HS1BP3: variants seen among roughly 807,000 people sequenced by gnomAD.
The protein encoded by HS1BP3 is HCLS1 binding protein 3.
Under a neutral mutation model 33.5 loss-of-function variants are expected in HS1BP3, and 32 were observed. That is an observed-to-expected ratio of 0.95 (90% CI 0.72 to 1.28). The LOEUF (loss-of-function observed/expected upper bound fraction) is 1.28, where lower values mean the gene tolerates loss of function less well. Among genes scored for constraint, HS1BP3 ranks in the 50% most tolerant of loss-of-function variants. The probability of loss-of-function intolerance (pLI) is 0.00; values close to 1 mark genes in which losing one functional copy is unlikely to be tolerated. For missense variants in HS1BP3, 486 were observed against 502.3 expected (o/e 0.97, Z 0.31); for synonymous variants, 187 against 209.2 (o/e 0.89, Z 0.92).
chr2:20,640,903 T>C (rs770073586), intron 3 of HS1BP3, 70 bp downstream of exon 3: 14 of 1,488,948 alleles, frequency 9.4e-6, no homozygotes, highest in Admixed American at 8.4e-5. Flanking sequence ...ATGCTCCCAC[T>C]GGGGCACGGC....
rs1694675421 is a variant in HS1BP3, at chr2:20,623,698, G to C, written c.920+198C>G. 3 of 539,090 alleles carry C rather than the reference G, an allele frequency of 5.6e-6. No homozygotes were observed. The Admixed American group carries it at 1.1e-4, about 20-fold the overall frequency. The allele number at this position is 539,090 out of a possible 1,614,324, so 33.4% of individuals were successfully genotyped here. A position where few individuals can be genotyped will look rare whatever the true frequency, so the allele number is the denominator to read the frequency against. ...CTCTCTTTCTGGAACTAGCTGAGCAGCCCTGGGCTGCGGATCCTCCCCCTC... is the reference window on the plus strand; with the variant it reads ...CTCTCTTTCTGGAACTAGCTGAGCACCCCTGGGCTGCGGATCCTCCCCCTC... On this transcript the variant is annotated intron_variant, in intron 6 of 6. Transcript: ENST00000304031.
chr2:20,568,913 C>T (rs1693199717), intron 5 of HS1BP3, among the ~76,000 whole-genome samples: 1 of 152,192 alleles, frequency 6.6e-6, no homozygotes, highest in Non-Finnish European at 1.5e-5. Flanking sequence ...AGGAGATTGC[C>T]CTCGAGGCCG....
At chr2:20,584,606 G>A (rs548352229) in intron 5 of HS1BP3, among the ~76,000 whole-genome samples, 1 of 152,202 alleles carries the variant, frequency 6.6e-6, no homozygotes, top group African/African-American at 2.4e-5. Flanking sequence ...GACTCTCCTT[G>A]AAAGATGCAG....
At chr2:20,587,723 G>T (rs561721247), downstream of HS1BP3, among the ~76,000 whole-genome samples, 1 of 151,932 alleles carries the variant, frequency 6.6e-6, no homozygotes, top group Non-Finnish European at 1.5e-5. Flanking sequence ...TCCAGCCTGG[G>T]CGACAGAGCG....
chr2:20,564,898 C>T (rs1440291603), intron 5 of HS1BP3, among the ~76,000 whole-genome samples: 1 of 152,328 alleles, frequency 6.6e-6, no homozygotes, highest in African/African-American at 2.4e-5. Context: ...AGAACTTCCA[C>T]CACCAGGACT....
chr2:20,624,623 A>G lies in HS1BP3; in HGVS notation c.784+109T>C, dbSNP rs1414564859. 11 of 1,024,728 alleles carry G rather than the reference A, an allele frequency of 1.1e-5. No individual in the cohort carries two copies. The Admixed American group carries it at 1.9e-4, about 17-fold the overall frequency. The allele number at this position is 1,024,728 out of a possible 1,614,324, so 63.5% of individuals were successfully genotyped here. A position where few individuals can be genotyped will look rare whatever the true frequency, so the allele number is the denominator to read the frequency against. On this transcript the variant is annotated intron_variant, in intron 5 of 6. Transcript: ENST00000304031. The stretch of plus-strand genomic sequence containing the variant: ...TGAGTCTATATCACATCTAAACAGG[A>G]CAGGGGAGATATATGGGTCCTATTC...
At position 20,618,657 on chromosome 2, in the gene HS1BP3, C is replaced by A. The variant is rs1384256269; in HGVS notation, c.*330G>T. The A allele has an allele frequency of 5.3e-6, 6 of 1,135,898 alleles. No individual in the cohort carries two copies. In the Admixed American group the frequency reaches 2.2e-4, roughly 42 times the overall value. 70.4% of individuals were successfully genotyped at this position (1,135,898 alleles called of 1,614,324 possible). On this transcript the variant is annotated 3_prime_UTR_variant, in exon 7 of 7. Transcript: ENST00000304031. ...CCCTGCCCCATGTGACACCTCGCTA[C>A]GGCCCCACATGTCTTGCTTCATCCT...
intron 5 of HS1BP3, among the ~76,000 whole-genome samples, chr2:20,582,888 C>T (rs1693568565): frequency 6.6e-6 from 1 of 152,164 alleles, no homozygotes; most frequent in South Asian, 2.1e-4. Flanking sequence ...TTGGCAGGGT[C>T]AGAGCCTCCA....
chr2:20,556,116 T>G (rs1042218860), downstream of HS1BP3, among the ~76,000 whole-genome samples: 1 of 152,262 alleles, frequency 6.6e-6, no homozygotes, highest in African/African-American at 2.4e-5. Context: ...TCTATTTCTA[T>G]TCTAGTACCA....
At position 20,624,891 on chromosome 2, in the gene HS1BP3, A is replaced by G. The variant is rs1452402509; in HGVS notation, c.625T>C (p.Ser209Pro). The part of the protein sequence containing the change: ...EALDPLGIMR[S>P]KKPKKHPKVA... ...TTGGGATGTTTCTTGGGCTTCTTGG[A>G]GCTGGAGAATCACAGACAAAGCACA... Residue 209 changes from serine to proline, a missense_variant and splice_region_variant, in exon 5 of 7, where the codon TCC becomes CCC. Ser to Pro is a moderately conservative substitution (Grantham distance 74, BLOSUM62 -1). Coordinates refer to ENST00000304031, the MANE Select transcript of HS1BP3 (RefSeq NM_022460.4). 2.5e-6 allele frequency: 4 copies of G among 1,613,392 alleles called. No individual in the cohort carries two copies. Among genetic ancestry groups the G allele is most frequent in the Non-Finnish European group, 3.4e-6 (4 of 1,179,970 alleles).
In HS1BP3 at chr2:20,651,050, G is replaced by A; in HGVS notation, c.14C>T (p.Ala5Val). The A allele has an allele frequency of 3.2e-6, 4 of 1,238,668 alleles. No individual in the cohort carries two copies. The highest frequency in any genetic ancestry group is 4.0e-6 in the Non-Finnish European group (4 of 991,870). The allele number at this position is 1,238,668 out of a possible 1,614,324, so 76.7% of individuals were successfully genotyped here. ...GGCTCACCTGGAGGTGACGAGCACC[G>A]CCGGGGACTGCATGACGGCGGCGGG... MQSP[A>V]VLVTSRRLQN... The change falls in exon 1 of 7, where the codon GCG becomes GTG. Residue 5 changes from alanine to valine, a missense_variant. Transcript: ENST00000304031.
rs148191123 is a variant in HS1BP3 at position 20,578,277 on chromosome 2, G to C, written c.303-17762C>G. Reference sequence around the variant, plus strand: ...GGCTCCAGGGCTGCCCTCAGAGGCGGGATGGGATGCAGTCTTCATAGGAGG... The same window carrying C: ...GGCTCCAGGGCTGCCCTCAGAGGCGCGATGGGATGCAGTCTTCATAGGAGG... On this transcript the variant is annotated intron_variant, in intron 5 of 5. Coordinates refer to the HS1BP3 transcript ENST00000446825. Among the ~76,000 whole-genome samples, 907 of 152,314 alleles carry C rather than the reference G, an allele frequency of 6.0e-3. 8 individuals are homozygous for C. The highest frequency in any genetic ancestry group is 7.5e-3 in the Non-Finnish European group (508 of 68,026).
rs570665723 is a variant in HS1BP3 at position 20,650,916 on chromosome 2, G to T, written c.32+116C>A. The T allele has an allele frequency of 7.1e-5, 65 of 918,482 alleles. No individual in the cohort carries two copies. The South Asian group carries it at 3.0e-3, about 42-fold the overall frequency. 56.9% of individuals were successfully genotyped at this position (918,482 alleles called of 1,614,324 possible). ...CCAGCCCGGATAAGCCACCGAGGGC[G>T]CTGGGGAGACCTGCACCAGGTCCCT... On this transcript the variant is annotated intron_variant, in intron 1 of 6. Coordinates refer to ENST00000304031, the MANE Select transcript of HS1BP3 (RefSeq NM_022460.4).
At chr2:20,558,845 G>A (rs552554720), downstream of HS1BP3, among the ~76,000 whole-genome samples, 125 of 152,316 alleles carry the variant, frequency 8.2e-4, no homozygotes, top group Non-Finnish European at 1.4e-3. Flanking sequence ...AGAGGGGGTA[G>A]GGCCTGGCTG....
intron 4 of HS1BP3, chr2:20,637,078 T>A (rs1572356168): frequency 8.2e-6 from 1 of 121,478 alleles, no homozygotes; most frequent in African/African-American, 3.2e-5. Flanking sequence ...CTGACACATC[T>A]CCCCTGACAA....
the HS1BP3 span, among the ~76,000 whole-genome samples, chr2:20,553,975 T>C: frequency 6.6e-6 from 1 of 152,216 alleles, no homozygotes; most frequent in South Asian, 2.1e-4. Flanking sequence ...CGGTTTAGTA[T>C]TCACAGCAAT....
chr2:20,587,794 T>A (rs867905071), downstream of HS1BP3, among the ~76,000 whole-genome samples: 1 of 152,172 alleles, frequency 6.6e-6, no homozygotes, highest in East Asian at 1.9e-4. Context: ...ATCAGACCAC[T>A]GTGACAGGCA....
intron 2 of HS1BP3, among the ~76,000 whole-genome samples, chr2:20,602,137 TA>T (rs1694084334): frequency 6.6e-6 from 1 of 150,876 alleles, no homozygotes; most frequent in South Asian, 2.1e-4. Context: ...TGTTTGAATT[TA>T]TCAGCTAGAA....
intron 5 of HS1BP3, among the ~76,000 whole-genome samples, chr2:20,564,307 G>A (rs550136534): frequency 5.7e-4 from 87 of 152,362 alleles, no homozygotes; most frequent in Non-Finnish European, 1.1e-3. Flanking sequence ...GACTCCGACA[G>A]AGACTCCATC....
Sources: allele counts gnomAD v4.1 joint callset (sites outside exome capture counted in the v4.1 genomes callset), GRCh38; gene constraint gnomAD v4.1.1; transcripts MANE v1.5; gene names NCBI Gene and HGNC (gene_info 2026-07-23, HGNC 2026-07-21).